Variants in TMEM135 observed in about 807,000 individuals in gnomAD.
TMEM135 encodes peroxisomal membrane protein 52.
A neutral mutation model predicts 60.3 loss-of-function variants in TMEM135; 30 were observed. The observed-to-expected ratio is 0.50, with a 90% CI of 0.37 to 0.68. The LOEUF (loss-of-function observed/expected upper bound fraction) is 0.68. TMEM135 is among the 30% of genes least tolerant of loss of function. The pLI, the probability that TMEM135 is intolerant of heterozygous loss-of-function variation, is 0.00. For synonymous variants in TMEM135, 190 were observed against 186.7 expected (o/e 1.02, Z -0.14); for missense variants, 468 against 548.8 (o/e 0.85, Z 1.47).
chr11:87,062,402 A>T (rs113603294), intron 1 of TMEM135, among the ~76,000 whole-genome samples: 11,455 of 61,182 alleles, frequency 0.19, 976 homozygotes, highest in Non-Finnish European at 0.21. Context: ...GGGGTCAAAG[A>T]ACATTTCCCC....
intron 6 of TMEM135, among the ~76,000 whole-genome samples, chr11:87,265,375 T>G (rs1941727660): frequency 6.6e-6 from 1 of 152,048 alleles, no homozygotes; most frequent in Non-Finnish European, 1.5e-5. Flanking sequence ...TGAAGAATAC[T>G]GGACTCTTTT....
chr11:87,297,535 AG>A (rs1184012405), intron 7 of TMEM135, among the ~76,000 whole-genome samples: 1 of 152,250 alleles, frequency 6.6e-6, no homozygotes, highest in African/African-American at 2.4e-5. Flanking sequence ...CAAAAACAAA[AG>A]TTAGGTTTTC....
chr11:87,218,322 C>A (rs188331900), intron 5 of TMEM135, among the ~76,000 whole-genome samples: 18 of 152,250 alleles, frequency 1.2e-4, no homozygotes, highest in African/African-American at 3.9e-4. Flanking sequence ...CCAGATAATA[C>A]TGGCCTTTGG....
chr11:87,067,164 A>AAT (rs375554127), intron 1 of TMEM135, among the ~76,000 whole-genome samples: 56 of 145,652 alleles, frequency 3.8e-4, no homozygotes, highest in Middle Eastern at 3.6e-3. Context: ...AAATTTACTA[A>AAT]ATATATATAT....
intron 1 of TMEM135, among the ~76,000 whole-genome samples, chr11:87,040,276 G>C (rs1238595290): frequency 3.3e-5 from 5 of 152,198 alleles, no homozygotes; most frequent in Non-Finnish European, 5.9e-5. Flanking sequence ...GCATATAGCT[G>C]TTCTCTTTGT....
At chr11:87,103,429 T>C (rs2135187385) in intron 4 of TMEM135, among the ~76,000 whole-genome samples, 2 of 152,172 alleles carry the variant, frequency 1.3e-5, no homozygotes, top group South Asian at 4.1e-4. Context: ...ATTTCCCTAA[T>C]TTTTAGTGAT....
chr11:87,251,014 G>A (rs940070089), intron 6 of TMEM135, among the ~76,000 whole-genome samples: 2 of 152,138 alleles, frequency 1.3e-5, no homozygotes, highest in African/African-American at 4.8e-5. Context: ...CTGCTTGGAT[G>A]AGGAAGATGA....
chr11:87,316,873 T>C (rs1038981923), intron 12 of TMEM135, among the ~76,000 whole-genome samples: 8 of 151,716 alleles, frequency 5.3e-5, no homozygotes, highest in Admixed American at 1.3e-4. Context: ...ACTATGGTGA[T>C]GCAGACTTTT....
At chr11:87,210,292 G>C (rs1940334105) in intron 5 of TMEM135, among the ~76,000 whole-genome samples, 1 of 152,066 alleles carries the variant, frequency 6.6e-6, no homozygotes, top group Admixed American at 6.5e-5. Flanking sequence ...GAAACAAAAA[G>C]AAGATCCAAA....
chr11:87,293,035 T>C (rs1338954521), intron 6 of TMEM135, among the ~76,000 whole-genome samples: 1 of 152,234 alleles, frequency 6.6e-6, no homozygotes, highest in Non-Finnish European at 1.5e-5. Flanking sequence ...AGCCAAAATT[T>C]GTTCCCAGTT....
At chr11:87,252,798 ATGTGTGTGTG>A (rs558272693) in intron 6 of TMEM135, among the ~76,000 whole-genome samples, 5 of 134,242 alleles carry the variant, frequency 3.7e-5, no homozygotes, top group African/African-American at 5.6e-5. Flanking sequence ...TAAAATATAT[ATGTGTGTGTG>A]TGTGTGTGTG....
intron 4 of TMEM135, among the ~76,000 whole-genome samples, chr11:87,116,080 AG>A (rs1279119884): frequency 1.3e-5 from 2 of 152,150 alleles, no homozygotes; most frequent in Admixed American, 6.5e-5. Context: ...GAAGAAAATC[AG>A]TTAACATTCA....
chr11:87,055,866 T>C (rs1949889538), intron 1 of TMEM135, among the ~76,000 whole-genome samples: 1 of 152,132 alleles, frequency 6.6e-6, no homozygotes, highest in Non-Finnish European at 1.5e-5. Context: ...GATCCTGATT[T>C]AGACTCCAAG....
intron 4 of TMEM135, among the ~76,000 whole-genome samples, chr11:87,098,935 G>A (rs905960139): frequency 1.3e-5 from 2 of 152,028 alleles, no homozygotes; most frequent in Non-Finnish European, 2.9e-5. Flanking sequence ...TGATCCGCCC[G>A]CCTCGGCCTC....
intron 6 of TMEM135, among the ~76,000 whole-genome samples, chr11:87,249,539 T>C (rs560338255): frequency 5.3e-5 from 8 of 152,264 alleles, no homozygotes; most frequent in African/African-American, 1.9e-4. Context: ...CTAAGATGCA[T>C]TGTTAGGTTG....
At chr11:87,208,640 T>G (rs781614326) in intron 5 of TMEM135, among the ~76,000 whole-genome samples, 7 of 152,204 alleles carry the variant, frequency 4.6e-5, no homozygotes, top group Admixed American at 1.3e-4. Flanking sequence ...GGAAAACATA[T>G]TTCAGGATAT....
At chr11:87,262,129 A>T (rs932950826) in intron 6 of TMEM135, among the ~76,000 whole-genome samples, 2 of 151,894 alleles carry the variant, frequency 1.3e-5, no homozygotes, top group Admixed American at 1.3e-4. Flanking sequence ...AGACATTTAC[A>T]CTATTTGCAG....
intron 7 of TMEM135, among the ~76,000 whole-genome samples, chr11:87,297,260 T>G (rs141199983): frequency 6.6e-6 from 1 of 152,160 alleles, no homozygotes; most frequent in South Asian, 2.1e-4. Flanking sequence ...AAAACCAAAG[T>G]GCCTGAAAGA....
At chr11:87,275,942 A>G (rs1005057097) in intron 6 of TMEM135, among the ~76,000 whole-genome samples, 1 of 152,136 alleles carries the variant, frequency 6.6e-6, no homozygotes, top group Admixed American at 6.5e-5. Flanking sequence ...AATTACAGGC[A>G]TGAGCCACCG....
Sources: allele counts gnomAD v4.1 joint callset (sites outside exome capture counted in the v4.1 genomes callset), GRCh38; gene constraint gnomAD v4.1.1; transcripts MANE v1.5; gene names NCBI Gene and HGNC (gene_info 2026-07-23, HGNC 2026-07-21).